GALK2: variants seen among roughly 807,000 people sequenced by gnomAD.
GALK2 encodes the protein galactokinase 2, also known as N-acetylgalactosamine kinase.
In GALK2, 36 loss-of-function variants were observed where a neutral mutation model predicts 52.4. The observed-to-expected ratio is 0.69, with a 90% confidence interval of 0.53 to 0.91. The LOEUF (loss-of-function observed/expected upper bound fraction) is 0.91, where lower values mean the gene tolerates loss of function less well. Ranked by LOEUF, GALK2 falls within the 40% of genes least tolerant of loss-of-function variation. GALK2 has a pLI of 0.00. For synonymous variants in GALK2, 176 were observed against 199.1 expected, an observed-to-expected ratio of 0.88 and a Z score of 0.98; for missense variants, 579 against 559.1, an observed-to-expected ratio of 1.04 and a Z score of -0.36.
intron 1 of GALK2, chr15:49,177,673 G>A: frequency 2.6e-6 from 1 of 386,122 alleles, no homozygotes; most frequent in Non-Finnish European, 4.5e-6. Flanking sequence ...CAGGAGTGTG[G>A]TGGAACTTAT....
intron 3 of GALK2, among the ~76,000 whole-genome samples, chr15:49,233,089 A>C (rs555237600): frequency 6.6e-6 from 1 of 152,322 alleles, no homozygotes; most frequent in Admixed American, 6.5e-5. Context: ...CACTGCTATA[A>C]AGAAATACCT....
chr15:49,309,144 C>A lies in GALK2; in HGVS notation c.968-10460C>A, dbSNP rs116539761. 8.0e-3 allele frequency among the ~76,000 whole-genome samples: 1,218 copies of A among 152,276 alleles called. 16 individuals carry two copies. The highest frequency in any genetic ancestry group is 0.028 in the African/African-American group (1,172 of 41,562). On this transcript the variant is annotated intron_variant, in intron 8 of 9. Coordinates refer to ENST00000560031, the MANE Select transcript of GALK2 (RefSeq NM_002044.4). ...AAGTGTCTAGATTCCAATGTCATAT[C>A]CAGACTGCTCTTGTGGAATGATTTT... is the stretch of plus-strand genomic sequence containing the variant.
downstream of GALK2, among the ~76,000 whole-genome samples, chr15:49,334,965 T>C (rs988940228): frequency 2.0e-5 from 3 of 152,334 alleles, no homozygotes; most frequent in Admixed American, 1.3e-4. Flanking sequence ...TAAATTATTA[T>C]GAATAACTGC....
At chr15:49,311,153 T>C (rs2035958594) in intron 8 of GALK2, among the ~76,000 whole-genome samples, 1 of 152,212 alleles carries the variant, frequency 6.6e-6, no homozygotes, top group African/African-American at 2.4e-5. Context: ...AGCGTATCCT[T>C]TCCTCAATCT....
chr15:49,217,609 A>G (rs751868228), intron 3 of GALK2, among the ~76,000 whole-genome samples: 4 of 152,192 alleles, frequency 2.6e-5, no homozygotes, highest in Non-Finnish European at 5.9e-5. Context: ...TGATCTAATT[A>G]TCTCCAGCAA....
rs1471536066 is a variant in GALK2, at chr15:49,328,684, A to ATAAT, written c.*526_*529dup. On this transcript the variant is annotated 3_prime_UTR_variant, in exon 10 of 10. Transcript: ENST00000560031. ...ATTTCAGCTTCGGAACGCTATGAAA[A>ATAAT]TAATACATGATTAAAGTTTCACAGA... is the stretch of plus-strand genomic sequence containing the variant. 1.3e-6 allele frequency: 2 copies of ATAAT among 1,551,554 alleles called. No individual in the cohort carries two copies. Among genetic ancestry groups the ATAAT allele is most frequent in the South Asian group, 1.2e-5 (1 of 84,062 alleles).
chr15:49,163,046 C>T (rs2084707150), intron 1 of GALK2, among the ~76,000 whole-genome samples: 1 of 152,144 alleles, frequency 6.6e-6, no homozygotes, highest in South Asian at 2.1e-4. Context: ...ATATATTTAA[C>T]TTTTTAAGAA....
chr15:49,196,638 G>A (rs560958014), intron 1 of GALK2, among the ~76,000 whole-genome samples: 2 of 152,250 alleles, frequency 1.3e-5, no homozygotes, highest in Non-Finnish European at 2.9e-5. Flanking sequence ...ACTTTATCAA[G>A]TTTATTGAGT....
intron 3 of GALK2, among the ~76,000 whole-genome samples, chr15:49,354,516 C>T (rs1048805548): frequency 1.3e-5 from 2 of 152,228 alleles, no homozygotes; most frequent in Non-Finnish European, 2.9e-5. Context: ...GTCACTCCCA[C>T]CTGAATACTG....
chr15:49,268,019 G>T (rs1354646851), intron 5 of GALK2, among the ~76,000 whole-genome samples: 1 of 152,198 alleles, frequency 6.6e-6, no homozygotes, highest in Non-Finnish European at 1.5e-5. Flanking sequence ...TTTATCAGGG[G>T]AAGATTTTTG....
intron 3 of GALK2, among the ~76,000 whole-genome samples, chr15:49,339,075 T>TAAC (rs1466404603): frequency 2.0e-5 from 3 of 152,198 alleles, no homozygotes; most frequent in Non-Finnish European, 4.4e-5. Flanking sequence ...GGTCAGAACA[T>TAAC]AACTCCTTTA....
At chr15:49,314,073 T>G (rs570790637) in intron 8 of GALK2, among the ~76,000 whole-genome samples, 2 of 152,286 alleles carry the variant, frequency 1.3e-5, no homozygotes, top group African/African-American at 4.8e-5. Context: ...CCTCACCATT[T>G]CCCACCAGAG....
At chr15:49,324,126 T>C (rs1434675802) in intron 9 of GALK2, among the ~76,000 whole-genome samples, 1 of 152,198 alleles carries the variant, frequency 6.6e-6, no homozygotes, top group Non-Finnish European at 1.5e-5. Context: ...TTGTTTTTGT[T>C]TTGACACTTG....
chr15:49,362,025 TG>T (rs2044329135), intron 3 of GALK2, among the ~76,000 whole-genome samples: 1 of 152,240 alleles, frequency 6.6e-6, no homozygotes, highest in South Asian at 2.1e-4. Context: ...CATATGCTTG[TG>T]GGTTACGTGT....
At chr15:49,267,774 T>A (rs773161558) in intron 5 of GALK2, among the ~76,000 whole-genome samples, 2 of 152,202 alleles carry the variant, frequency 1.3e-5, no homozygotes, top group Non-Finnish European at 2.9e-5. Context: ...AGAAGTAAAA[T>A]CCTTACTTCT....
At chr15:49,340,403 GC>G (rs373386438) in intron 3 of GALK2, among the ~76,000 whole-genome samples, 28,003 of 94,490 alleles carry the variant, frequency 0.3, 2,193 homozygotes, top group East Asian at 0.37. Context: ...GCAGTGCCCC[GC>G]CCCCCCCCTC....
At chr15:49,349,994 G>A (rs952504327) in intron 3 of GALK2, among the ~76,000 whole-genome samples, 1 of 152,166 alleles carries the variant, frequency 6.6e-6, no homozygotes, top group African/African-American at 2.4e-5. Flanking sequence ...TTGGATGGAT[G>A]AATAAGGTAA....
At chr15:49,262,366 G>A (rs1048578324) in intron 5 of GALK2, among the ~76,000 whole-genome samples, 37 of 152,114 alleles carry the variant, frequency 2.4e-4, no homozygotes, top group Admixed American at 2.4e-3. Flanking sequence ...AGAGGTGTTT[G>A]TAGTATTCTC....
At chr15:49,278,646 A>G (rs2032249676) in intron 5 of GALK2, among the ~76,000 whole-genome samples, 1 of 152,192 alleles carries the variant, frequency 6.6e-6, no homozygotes, top group South Asian at 2.1e-4. Context: ...GAGGTAATAT[A>G]TGGTGGTGGT....
Sources: gnomAD v4.1 joint callset for allele counts (sites outside exome capture counted in the v4.1 genomes callset) on GRCh38, gnomAD v4.1.1 for gene constraint, MANE v1.5 for transcripts, NCBI Gene and HGNC (gene_info 2026-07-23, HGNC 2026-07-21) for gene names.